KCNJ18: variants seen among roughly 807,000 people sequenced by gnomAD.
KCNJ18 encodes the protein inward rectifier potassium channel 18.
In KCNJ18, 16 loss-of-function variants were observed where a neutral mutation model predicts 17.3. The ratio of observed to expected loss-of-function variants is 0.92; its 90% confidence interval spans 0.62 to 1.40. The LOEUF is 1.40. Ranked by LOEUF, KCNJ18 falls within the 40% of genes most tolerant of loss-of-function variation. KCNJ18 has a pLI of 0.00. For synonymous variants in KCNJ18, 185 were observed against 262.6 expected (o/e 0.70, Z 2.86); for missense variants, 462 against 626.8 (o/e 0.74, Z 2.81).
intron 1 of KCNJ18, among the ~76,000 whole-genome samples, chr17:21,694,909 A>G (rs1597754275): frequency 6.6e-6 from 1 of 151,536 alleles, no homozygotes; most frequent in Non-Finnish European, 1.5e-5. Flanking sequence ...CCATCCCTCT[A>G]TCCATTCACT....
In KCNJ18 at chr17:21,703,648, C is replaced by T. The variant is rs1189309746; in HGVS notation, c.862C>T (p.Leu288=). ...SPLFGISRQD[L]ETDDFEIVVI... is the part of the protein sequence containing the mutation. The stretch of plus-strand genomic sequence containing the variant: ...GCTCTTCGGCATCAGCCGGCAGGAC[C>T]TGGAGACGGACGACTTTGAGATCGT... Residue 288 remains leucine (L), a synonymous_variant, in exon 3 of 3, where the codon CTG becomes TTG. Transcript: ENST00000567955. 15 of 1,608,648 alleles carry T rather than the reference C, an allele frequency of 9.3e-6. No individual in the cohort carries two copies. The African/African-American group carries it at 1.6e-4, about 17-fold the overall frequency.
intron 1 of KCNJ18, among the ~76,000 whole-genome samples, chr17:21,695,225 T>A (rs1165292141): frequency 7.0e-3 from 145 of 20,610 alleles, no homozygotes; most frequent in Middle Eastern, 0.018. Context: ...CCATCCATCT[T>A]TCCATCCTAT....
intron 2 of KCNJ18, among the ~76,000 whole-genome samples, chr17:21,701,333 T>C: frequency 6.6e-6 from 1 of 152,302 alleles, no homozygotes; most frequent in Non-Finnish European, 1.5e-5. Context: ...CTGAGGGTGG[T>C]GCTGGGAACA....
chr17:21,702,969 C>T lies in KCNJ18; in HGVS notation c.183C>T (p.Asp61=), dbSNP rs1277987049. The part of the protein sequence containing the change: ...GQCNIAFANM[D]EKSQRYLADM... The stretch of plus-strand genomic sequence containing the variant: ...GCAACATTGCGTTCGCCAACATGGA[C>T]GAGAAGTCACAGCGCTACCTGGCTG... The change falls in exon 3 of 3, where the codon GAC becomes GAT. Residue 61 remains aspartate (D), a synonymous_variant. Coordinates refer to ENST00000567955, the MANE Select transcript of KCNJ18 (RefSeq NM_001194958.2). The T allele has an allele frequency of 1.2e-5, 19 of 1,596,392 alleles. No homozygotes were observed. Among genetic ancestry groups the T allele is most frequent in the Admixed American group, 8.8e-5 (5 of 57,050 alleles).
intron 2 of KCNJ18, among the ~76,000 whole-genome samples, chr17:21,698,417 G>C (rs1333560326): frequency 1.1e-4 from 16 of 152,058 alleles, no homozygotes; most frequent in African/African-American, 3.9e-4. Flanking sequence ...TGAGTGCTGT[G>C]TTCGTGCCTC....
At position 21,703,644 on chromosome 17, in the gene KCNJ18, G is replaced by A. The variant is rs1248565178; in HGVS notation, c.858G>A (p.Gln286=). 2.5e-6 allele frequency: 4 copies of A among 1,609,486 alleles called. No homozygotes were observed. ...GCCCGCTCTTCGGCATCAGCCGGCA[G>A]GACCTGGAGACGGACGACTTTGAGA... ...EASPLFGISR[Q]DLETDDFEIV... is the part of the protein sequence containing the mutation. Residue 286 remains glutamine (Q), a synonymous_variant, in exon 3 of 3, where the codon CAG becomes CAA. Transcript: ENST00000567955.
Position 21,703,573 on chromosome 17 carries a change from T to C in KCNJ18, c.787T>C (p.Phe263Leu), listed in dbSNP as rs1318190847. Reference protein sequence around the residue: ...VGFDKGLDRIFLVSPITILHE... With the variant: ...VGFDKGLDRILLVSPITILHE... ...CTTCGACAAGGGCCTGGACCGCATC[T>C]TTCTGGTGTCGCCCATCACCATCTT... Residue 263 changes from phenylalanine to leucine, a missense_variant, in exon 3 of 3, where the codon TTT becomes CTT. Transcript: ENST00000567955. 2,349 of 1,612,772 alleles carry C rather than the reference T, an allele frequency of 1.5e-3. 41 individuals carry two copies. In the African/African-American group the frequency reaches 0.028, roughly 19 times the overall value.
At position 21,703,672 on chromosome 17, in the gene KCNJ18, G is replaced by T; in HGVS notation, c.886G>T (p.Val296Leu). The change falls in exon 3 of 3, where the codon GTG becomes TTG. Residue 296 changes from valine to leucine, a missense_variant. Val to Leu is a conservative substitution (Grantham distance 32, BLOSUM62 1). This residue lies in a region of KCNJ18 where 55 missense variants were observed against 69.1 expected (regional missense o/e 0.80). Transcript: ENST00000567955. ...CCTGGAGACGGACGACTTTGAGATC[G>T]TGGTCATCCTGGAAGGCATGGTGGA... ...QDLETDDFEIVVILEGMVEAT... is the reference protein window; with the variant it reads ...QDLETDDFEILVILEGMVEAT... 1 of 1,591,720 alleles carries T rather than the reference G, an allele frequency of 6.3e-7. No individual in the cohort carries two copies. The highest frequency in any genetic ancestry group is 1.1e-5 in the South Asian group (1 of 88,638).
At position 21,703,800 on chromosome 17, in the gene KCNJ18, C is replaced by G. The variant is rs1258217617; in HGVS notation, c.1014C>G (p.Tyr338Ter). The G allele has an allele frequency of 1.2e-6, 2 of 1,609,510 alleles. No individual in the cohort carries two copies. Among genetic ancestry groups the G allele is most frequent in the Non-Finnish European group, 1.7e-6 (2 of 1,179,192 alleles). The part of the protein sequence containing the change: ...EPVLFEEKNQ[Y>*]KIDYSHFHKT... ...TGCTCTTCGAGGAGAAGAACCAGTA[C>G]AAGATTGACTACTCGCACTTCCACA... Residue 338 changes from tyrosine to a stop codon, truncating the protein, a stop_gained, in exon 3 of 3, where the codon TAC becomes TAG. Transcript: ENST00000567955. LOFTEE classifies it high-confidence loss of function.
intron 1 of KCNJ18, among the ~76,000 whole-genome samples, chr17:21,694,837 ACCCATTCATC>A (rs1905707297): frequency 6.7e-6 from 1 of 150,304 alleles, no homozygotes; most frequent in Non-Finnish European, 1.5e-5. Context: ...TGCACCCGTC[ACCCATTCATC>A]CATTAATCTG....
At chr17:21,695,659 A>G (rs1486018000) in intron 1 of KCNJ18, among the ~76,000 whole-genome samples, 1 of 152,300 alleles carries the variant, frequency 6.6e-6, no homozygotes, top group Non-Finnish European at 1.5e-5. Flanking sequence ...AATAGTTCCA[A>G]CCTTGTGGAA....
At chr17:21,693,501 G>A (rs1905667055) in intron 1 of KCNJ18, among the ~76,000 whole-genome samples, 1 of 152,420 alleles carries the variant, frequency 6.6e-6, no homozygotes, top group Admixed American at 6.5e-5. Context: ...ATGGCCCTGT[G>A]GCAATATCCG....
At position 21,698,980 on chromosome 17, in the gene KCNJ18, G is replaced by A. The variant is rs1246178943; in HGVS notation, c.-57+2876G>A. ...AGCGCCCCTCTCCCATTCCCCTCCC[G>A]GCGACCCTGGGACCCTGGCAGGCCA... is the stretch of plus-strand genomic sequence containing the variant. On this transcript the variant is annotated intron_variant, in intron 2 of 2. Coordinates refer to ENST00000567955, the MANE Select transcript of KCNJ18 (RefSeq NM_001194958.2). 4.5e-3 allele frequency among the ~76,000 whole-genome samples: 689 copies of A among 152,226 alleles called. 5 individuals are homozygous for A. Among genetic ancestry groups the A allele is most frequent in the African/African-American group, 0.016 (654 of 41,514 alleles).
rs1359362565 is a variant in KCNJ18, at chr17:21,696,762, T to A, written c.-57+658T>A. On this transcript the variant is annotated intron_variant, in intron 2 of 2. Coordinates refer to ENST00000567955, the MANE Select transcript of KCNJ18 (RefSeq NM_001194958.2). ...CAGCTCAGTATTGTGGGGCAGAAGG[T>A]GGAGGAGGAAGAGCAGGAGGAGACT... Among the ~76,000 whole-genome samples, 38 of 150,684 alleles carry A rather than the reference T, an allele frequency of 2.5e-4. 1 individual carries two copies. In the South Asian group the frequency reaches 6.1e-3, roughly 24 times the overall value.
chr17:21,692,700 T>C lies in KCNJ18; in HGVS notation c.-193T>C, dbSNP rs1260603335. On this transcript the variant is annotated 5_prime_UTR_variant, in exon 1 of 3. Coordinates refer to ENST00000567955, the MANE Select transcript of KCNJ18 (RefSeq NM_001194958.2). ...GAAGCCAGGGCTTGGCTTACCCTCGTGACAGTCTCCCGAGGTGTGTGGGGT... is the reference window on the plus strand; with the variant it reads ...GAAGCCAGGGCTTGGCTTACCCTCGCGACAGTCTCCCGAGGTGTGTGGGGT... 6.5e-6 allele frequency: 1 copy of C among 153,020 alleles called. No individual in the cohort carries two copies. The highest frequency in any genetic ancestry group is 2.4e-5 in the African/African-American group (1 of 41,494). 9.5% of individuals were successfully genotyped at this position (153,020 alleles called of 1,614,324 possible). A position where few individuals can be genotyped will look rare whatever the true frequency, so the allele number is the denominator to read the frequency against.
In KCNJ18 at chr17:21,704,269, G is replaced by A; in HGVS notation, c.*181G>A. 1.3e-6 allele frequency: 1 copy of A among 756,404 alleles called. No homozygotes were observed. The highest frequency in any genetic ancestry group is 2.4e-5 in the South Asian group (1 of 42,160). 46.9% of individuals were successfully genotyped at this position (756,404 alleles called of 1,614,324 possible). A position where few individuals can be genotyped will look rare whatever the true frequency, so the allele number is the denominator to read the frequency against. Reference sequence around the variant, plus strand: ...AGGTTGGCCGGAGAGGGGGCAGCCAGAGCGGCAGCCCCCGGCCTCAGAGGC... The same window carrying A: ...AGGTTGGCCGGAGAGGGGGCAGCCAAAGCGGCAGCCCCCGGCCTCAGAGGC... On this transcript the variant is annotated 3_prime_UTR_variant, in exon 3 of 3. Transcript: ENST00000567955.
chr17:21,692,955 G>A (rs1399996485), intron 1 of KCNJ18, among the ~76,000 whole-genome samples: 6 of 152,308 alleles, frequency 3.9e-5, no homozygotes, highest in Non-Finnish European at 8.8e-5. Flanking sequence ...AAGGGGAAGT[G>A]CCTTGCCCTG....
At chr17:21,694,629 CATCT>C (rs1828435182) in intron 1 of KCNJ18, among the ~76,000 whole-genome samples, 3 of 151,724 alleles carry the variant, frequency 2.0e-5, no homozygotes, top group African/African-American at 7.3e-5. Flanking sequence ...TCCACCCATC[CATCT>C]ATCCATCTAC....
At position 21,702,730 on chromosome 17, in the gene KCNJ18, G is replaced by A. The variant is rs1365858952; in HGVS notation, c.-56-1G>A. ...CAGACATGCTGTCCTCTCTGTTCCA[G>A]GAGCCGCCCTGCCTGGAGCTAGCCT... On this transcript the variant is annotated splice_acceptor_variant, in intron 2 of 2. Coordinates refer to ENST00000567955, the MANE Select transcript of KCNJ18 (RefSeq NM_001194958.2). LOFTEE classifies it low-confidence loss of function (5UTR_SPLICE). The A allele has an allele frequency of 3.9e-3, 5,965 of 1,530,752 alleles. 35 individuals carry two copies. The highest frequency in any genetic ancestry group is 0.013 in the South Asian group (1,110 of 84,050). The allele number at this position is 1,530,752 out of a possible 1,614,324, so 94.8% of individuals were successfully genotyped here. A position where few individuals can be genotyped will look rare whatever the true frequency, so the allele number is the denominator to read the frequency against.
Sources: allele counts gnomAD v4.1 joint callset (sites outside exome capture counted in the v4.1 genomes callset), GRCh38; gene constraint gnomAD v4.1.1; regional missense constraint gnomAD v4.1.1; transcripts MANE v1.5; gene names NCBI Gene and HGNC (gene_info 2026-07-23, HGNC 2026-07-21).